The following IQSEC1 variants were observed in gnomAD, a reference collection of about 807,000 sequenced individuals.
IQSEC1 encodes the protein IQ motif and Sec7 domain ArfGEF 1, also known as IQ motif and SEC7 domain-containing protein 1.
A neutral mutation model predicts 91.0 loss-of-function variants in IQSEC1; 31 were observed. That is an observed-to-expected ratio of 0.34 (90% CI 0.26 to 0.46). The LOEUF (loss-of-function observed/expected upper bound fraction) is 0.46. IQSEC1 is among the 20% of genes least tolerant of loss of function. The pLI, the probability that IQSEC1 is intolerant of heterozygous loss-of-function variation, is 1.00. For missense variants in IQSEC1, 1,388 were observed against 1,575.6 expected, an observed-to-expected ratio of 0.88 and a Z score of 2.02; for synonymous variants, 699 against 662.6, an observed-to-expected ratio of 1.05 and a Z score of -0.84.
rs539215066 is a variant in IQSEC1 at position 13,231,988 on chromosome 3, C to T, written c.272+50723G>A. Among the ~76,000 whole-genome samples the T allele has an allele frequency of 9.0e-4, 137 of 152,350 alleles. 1 individual carries two copies. The highest frequency in any genetic ancestry group is 3.2e-3 in the African/African-American group (133 of 41,582). On this transcript the variant is annotated intron_variant, in intron 1 of 15. Transcript: ENST00000648114. ...GCGGATGTCACTGCCTCCCCTGCCT[C>T]GGAGGAGAAACATGCCGGGCCCCAA...
At chr3:12,904,645 G>A (rs1315759431) in intron 12 of IQSEC1, among the ~76,000 whole-genome samples, 1 of 152,154 alleles carries the variant, frequency 6.6e-6, no homozygotes, top group Non-Finnish European at 1.5e-5. Flanking sequence ...ACATTGTGGC[G>A]CCATGTGGAA....
chr3:13,275,295 C>T (rs149327740), intron 1 of IQSEC1, among the ~76,000 whole-genome samples: 197 of 152,234 alleles, frequency 1.3e-3, no homozygotes, highest in Admixed American at 1.9e-3. Flanking sequence ...TTGTGGATCT[C>T]GCCTCATCCA....
At chr3:13,066,134 G>A (rs1705221198) in intron 1 of IQSEC1, among the ~76,000 whole-genome samples, 1 of 152,224 alleles carries the variant, frequency 6.6e-6, no homozygotes, top group African/African-American at 2.4e-5. Flanking sequence ...GGAAAGTGAA[G>A]TTCTGGAGAT....
chr3:12,934,102 G>A (rs1004226176), intron 3 of IQSEC1, among the ~76,000 whole-genome samples: 1 of 152,184 alleles, frequency 6.6e-6, no homozygotes, highest in East Asian at 1.9e-4. Context: ...TGTCAGGTGG[G>A]CCAGCAGGAT....
At chr3:13,280,425 G>A (rs1419625514) in intron 1 of IQSEC1, among the ~76,000 whole-genome samples, 2 of 152,222 alleles carry the variant, frequency 1.3e-5, no homozygotes, top group Admixed American at 1.3e-4. Flanking sequence ...CAGCCCCGGG[G>A]GGGCCCAGAA....
chr3:12,958,318 C>T (rs1700043836), intron 1 of IQSEC1, among the ~76,000 whole-genome samples: 1 of 152,218 alleles, frequency 6.6e-6, no homozygotes. Context: ...CCCCTACCTA[C>T]AACATTGGCA....
intron 2 of IQSEC1, among the ~76,000 whole-genome samples, chr3:13,128,929 A>G (rs1188321560): frequency 6.6e-6 from 1 of 151,728 alleles, no homozygotes; most frequent in Non-Finnish European, 1.5e-5. Flanking sequence ...TGAGGAATTC[A>G]AGTCTGCAGT....
chr3:13,156,169 T>G (rs1009139331), intron 2 of IQSEC1, among the ~76,000 whole-genome samples: 1 of 151,770 alleles, frequency 6.6e-6, no homozygotes, highest in Non-Finnish European at 1.5e-5. Flanking sequence ...GAGGCAGAGG[T>G]TGCAGTGAGC....
At chr3:12,951,215 G>A (rs1157336019) in intron 1 of IQSEC1, among the ~76,000 whole-genome samples, 2 of 152,240 alleles carry the variant, frequency 1.3e-5, no homozygotes, top group Admixed American at 1.3e-4. Context: ...CTGAGCCCAG[G>A]TGTTCGAGAC....
At chr3:13,280,951 G>A (rs1439843583) in intron 1 of IQSEC1, among the ~76,000 whole-genome samples, 1 of 152,252 alleles carries the variant, frequency 6.6e-6, no homozygotes, top group Non-Finnish European at 1.5e-5. Context: ...TCCCGGCCAA[G>A]GCGGCTGCCT....
intron 1 of IQSEC1, among the ~76,000 whole-genome samples, chr3:13,027,993 C>T (rs1703686183): frequency 6.6e-6 from 1 of 152,208 alleles, no homozygotes. Flanking sequence ...CTTGTATCCT[C>T]CGCTCCTTCT....
intron 2 of IQSEC1, among the ~76,000 whole-genome samples, chr3:13,144,836 G>A (rs1267645562): frequency 6.6e-6 from 1 of 152,222 alleles, no homozygotes; most frequent in Admixed American, 6.5e-5. Context: ...AAGAGGCTGG[G>A]GAGGCCTCTG....
intron 1 of IQSEC1, among the ~76,000 whole-genome samples, chr3:13,222,518 T>C (rs1694681282): frequency 6.6e-6 from 1 of 152,160 alleles, no homozygotes; most frequent in Admixed American, 6.5e-5. Flanking sequence ...GGAATTGTAT[T>C]GTATGTTTAA....
intron 2 of IQSEC1, among the ~76,000 whole-genome samples, chr3:13,094,392 C>T (rs973282042): frequency 5.3e-5 from 8 of 152,150 alleles, no homozygotes; most frequent in Non-Finnish European, 5.9e-5. Context: ...ACCCCTCTCC[C>T]GGAGCCACCT....
At chr3:12,961,985 C>T (rs527965626) in intron 1 of IQSEC1, among the ~76,000 whole-genome samples, 124 of 152,334 alleles carry the variant, frequency 8.1e-4, no homozygotes, top group African/African-American at 2.9e-3. Flanking sequence ...AACCATTGGG[C>T]TAAACATCCT....
intron 1 of IQSEC1, among the ~76,000 whole-genome samples, chr3:13,013,935 G>A (rs911672730): frequency 6.6e-6 from 1 of 152,150 alleles, no homozygotes; most frequent in Non-Finnish European, 1.5e-5. Context: ...GGGCTCCCCT[G>A]AAGTCCCCAG....
intron 1 of IQSEC1, among the ~76,000 whole-genome samples, chr3:13,223,393 G>T (rs1286449807): frequency 6.6e-6 from 1 of 152,192 alleles, no homozygotes; most frequent in Admixed American, 6.5e-5. Flanking sequence ...AGATAGGAGC[G>T]CGCCACCTCC....
intron 1 of IQSEC1, among the ~76,000 whole-genome samples, chr3:13,250,257 C>T (rs1421359470): frequency 6.6e-6 from 1 of 152,068 alleles, no homozygotes; most frequent in East Asian, 1.9e-4. Flanking sequence ...GCCAAGACAG[C>T]GAGATAGCTG....
intron 6 of IQSEC1, among the ~76,000 whole-genome samples, chr3:12,919,264 T>C (rs891484216): frequency 1.3e-5 from 2 of 152,196 alleles, no homozygotes; most frequent in African/African-American, 4.8e-5. Flanking sequence ...CCTCAGACCT[T>C]GCAGGAGGCC....
Sources: allele counts gnomAD v4.1 joint callset (sites outside exome capture counted in the v4.1 genomes callset), GRCh38; gene constraint gnomAD v4.1.1; transcripts MANE v1.5; gene names NCBI Gene and HGNC (gene_info 2026-07-23, HGNC 2026-07-21).